Variants in SUV39H1 observed in about 807,000 individuals in gnomAD.
The protein encoded by SUV39H1 is histone-lysine N-methyltransferase SUV39H1.
For missense variants in SUV39H1, 180 were observed against 386.3 expected (o/e 0.47, Z 4.48); for synonymous variants, 141 against 150.5 (o/e 0.94, Z 0.46).
chrX:48,706,750 C>G, intron 5 of SUV39H1, 123 bp downstream of exon 5: 2 of 823,189 alleles, frequency 2.4e-6, no homozygotes, highest in Non-Finnish European at 3.4e-6. Context: ...CTTTAAGATG[C>G]TCTTCCTGAC....
At chrX:48,697,662 G>A (rs2062461249) in intron 1 of SUV39H1, among the ~76,000 whole-genome samples, 1 of 111,695 alleles carries the variant, frequency 9.0e-6, no homozygotes, top group South Asian at 3.7e-4. Context: ...AAAAGCTCTT[G>A]TACGTTTTTA....
intron 3 of SUV39H1, among the ~76,000 whole-genome samples, chrX:48,701,960 T>C (rs1041154621): frequency 8.9e-6 from 1 of 111,834 alleles, no homozygotes; most frequent in Admixed American, 9.4e-5. Context: ...GTGTCCACAC[T>C]GTAGCACTGA....
rs1354466522 is a variant in SUV39H1, at chrX:48,708,272, C to G, written c.*702C>G. The G allele has an allele frequency of 8.4e-6, 1 of 119,178 alleles. No homozygotes were observed. The allele number at this position is 119,178 out of a possible 1,213,427, so 9.8% of individuals were successfully genotyped here. A position where few individuals can be genotyped will look rare whatever the true frequency, so the allele number is the denominator to read the frequency against. ...GAGAGGAAGGCAGTGCAGAGCTGGC[C>G]AGCCCTGGAGGTAGGCTGGGACCAA... On this transcript the variant is annotated 3_prime_UTR_variant, in exon 6 of 6. Transcript: ENST00000376687.
Position 48,707,573 on chromosome X carries a change from C to T in SUV39H1, c.*3C>T. ...CCTGCCGCAAATACCTCTTCTAGCC[C>T]TTAGAAGTCTGAGGCCAGACTGACT... is the stretch of plus-strand genomic sequence containing the variant. On this transcript the variant is annotated 3_prime_UTR_variant, in exon 6 of 6. Transcript: ENST00000376687. 8.3e-7 allele frequency: 1 copy of T among 1,211,279 alleles called. No homozygotes were observed. Among genetic ancestry groups the T allele is most frequent in the Non-Finnish European group, 1.1e-6 (1 of 895,104 alleles).
Position 48,697,986 on chromosome X carries a change from C to T in SUV39H1, c.20-916C>T, listed in dbSNP as rs186699792. On this transcript the variant is annotated intron_variant, in intron 1 of 5. Transcript: ENST00000376687. ...AGCATAACCCTTTGGATGAGCTTTA[C>T]TCTTCACAGAAAGATGGATGAGACA... Among the ~76,000 whole-genome samples, 44 of 112,325 alleles carry T rather than the reference C, an allele frequency of 3.9e-4. No individual in the cohort carries two copies. The South Asian group carries it at 4.4e-3, about 11-fold the overall frequency.
At chrX:48,696,620 G>C (rs1250218212), upstream of SUV39H1, 18 of 658,262 alleles carry the variant, frequency 2.7e-5, no homozygotes, top group Middle Eastern at 1.5e-3. Context: ...CTCCGGGACC[G>C]AGCCGGGCGG....
intron 3 of SUV39H1, among the ~76,000 whole-genome samples, chrX:48,705,852 A>G (rs1236413232): frequency 8.9e-6 from 1 of 111,969 alleles, no homozygotes; most frequent in African/African-American, 3.2e-5. Context: ...CTGGATCAGT[A>G]AGTATCTCTC....
chrX:48,707,687 C>T lies in SUV39H1; in HGVS notation c.*117C>T. 1 of 940,534 alleles carries T rather than the reference C, an allele frequency of 1.1e-6. No individual in the cohort carries two copies. Among genetic ancestry groups the T allele is most frequent in the Non-Finnish European group, 1.5e-6 (1 of 665,226 alleles). The allele number at this position is 940,534 out of a possible 1,213,427, so 77.5% of individuals were successfully genotyped here. A position where few individuals can be genotyped will look rare whatever the true frequency, so the allele number is the denominator to read the frequency against. ...GGCCTCGCCTGCCTCCACCTGCCCC[C>T]ACCTGCTCCTACCTGCTCTACGTTC... On this transcript the variant is annotated 3_prime_UTR_variant, in exon 6 of 6. Transcript: ENST00000376687.
intron 3 of SUV39H1, among the ~76,000 whole-genome samples, chrX:48,704,334 T>C (rs781855318): frequency 2.7e-5 from 3 of 111,295 alleles, no homozygotes; most frequent in Non-Finnish European, 5.7e-5. Flanking sequence ...AGATGGAGAC[T>C]AGGAAGGATG....
chrX:48,698,239 T>C (rs1225175565), intron 1 of SUV39H1, among the ~76,000 whole-genome samples: 1 of 112,348 alleles, frequency 8.9e-6, no homozygotes, highest in Non-Finnish European at 1.9e-5. Context: ...TATATCTCTA[T>C]TTCTCCTATT....
At chrX:48,695,880 G>A, upstream of SUV39H1, 2 of 1,156,154 alleles carry the variant, frequency 1.7e-6, no homozygotes, top group Non-Finnish European at 2.3e-6. Context: ...AGGTGGTGTG[G>A]AGGCTTAATC....
intron 2 of SUV39H1, among the ~76,000 whole-genome samples, chrX:48,699,532 T>C (rs1557009108): frequency 8.9e-6 from 1 of 111,746 alleles, no homozygotes. Context: ...AAACCTTCAG[T>C]ACTTCATTTT....
In SUV39H1 at chrX:48,708,235, C is replaced by G. The variant is rs2062498107; in HGVS notation, c.*665C>G. 1 of 129,939 alleles carries G rather than the reference C, an allele frequency of 7.7e-6. No individual in the cohort carries two copies. The highest frequency in any genetic ancestry group is 3.2e-5 in the African/African-American group (1 of 31,097). 10.7% of individuals were successfully genotyped at this position (129,939 alleles called of 1,213,427 possible). A position where few individuals can be genotyped will look rare whatever the true frequency, so the allele number is the denominator to read the frequency against. ...TGGAAGGGAAGTGGGTGTCCATGGG[C>G]CACTGAGCAGTGAGAGGAAGGCAGT... is the stretch of plus-strand genomic sequence containing the variant. On this transcript the variant is annotated 3_prime_UTR_variant, in exon 6 of 6. Transcript: ENST00000376687.
Position 48,708,188 on chromosome X carries a change from G to C in SUV39H1, c.*618G>C, listed in dbSNP as rs2062497983. On this transcript the variant is annotated 3_prime_UTR_variant, in exon 6 of 6. Coordinates refer to ENST00000376687, the MANE Select transcript of SUV39H1 (RefSeq NM_003173.4). ...CTCTTCTTCAGGGCTGCATATCTGA[G>C]AAGTGGATGCCCACATGCCACTGGA... is the stretch of plus-strand genomic sequence containing the variant. The C allele has an allele frequency of 7.1e-6, 1 of 139,941 alleles. No homozygotes were observed. Among genetic ancestry groups the C allele is most frequent in the Admixed American group, 7.9e-5 (1 of 12,705 alleles). The allele number at this position is 139,941 out of a possible 1,213,427, so 11.5% of individuals were successfully genotyped here. A position where few individuals can be genotyped will look rare whatever the true frequency, so the allele number is the denominator to read the frequency against.
chrX:48,695,635 G>A (rs1569494575), upstream of SUV39H1: 4 of 1,100,364 alleles, frequency 3.6e-6, no homozygotes, highest in South Asian at 2.2e-5. Context: ...CCTGACAGAC[G>A]GTGCGGTCAG....
At chrX:48,703,070 C>G (rs945497907) in intron 3 of SUV39H1, among the ~76,000 whole-genome samples, 3 of 112,013 alleles carry the variant, frequency 2.7e-5, no homozygotes, top group Non-Finnish European at 3.8e-5. Flanking sequence ...AGGCTTGTTA[C>G]AAAAATTAAA....
chrX:48,696,630 G>A (rs1313485765), upstream of SUV39H1: 5 of 708,774 alleles, frequency 7.1e-6, no homozygotes, highest in Non-Finnish European at 9.5e-6. Flanking sequence ...GAGCCGGGCG[G>A]CAGGGAGGGG....
chrX:48,707,769 C>T lies in SUV39H1; in HGVS notation c.*199C>T. 2 of 525,674 alleles carry T rather than the reference C, an allele frequency of 3.8e-6. No homozygotes were observed. The highest frequency in any genetic ancestry group is 3.3e-6 in the Non-Finnish European group (1 of 300,389). 43.3% of individuals were successfully genotyped at this position (525,674 alleles called of 1,213,427 possible). On this transcript the variant is annotated 3_prime_UTR_variant, in exon 6 of 6. Transcript: ENST00000376687. ...GGAGTCCCCTTTCCCTGTCCCAGCC[C>T]CATCTGTGGGTTGCACTTACAAACC...
chrX:48,708,047 C>T lies in SUV39H1; in HGVS notation c.*477C>T, dbSNP rs2062497491. On this transcript the variant is annotated 3_prime_UTR_variant, in exon 6 of 6. Coordinates refer to ENST00000376687, the MANE Select transcript of SUV39H1 (RefSeq NM_003173.4). ...CCTAGCCCGACATGAAGCTGGTTCC[C>T]CAACCACAGAAACTTTGTACTAGTG... is the stretch of plus-strand genomic sequence containing the variant. 1 of 229,112 alleles carries T rather than the reference C, an allele frequency of 4.4e-6. No homozygotes were observed. The highest frequency in any genetic ancestry group is 6.3e-5 in the Admixed American group (1 of 15,874). 18.9% of individuals were successfully genotyped at this position (229,112 alleles called of 1,213,427 possible).
Sources: allele counts gnomAD v4.1 joint callset (sites outside exome capture counted in the v4.1 genomes callset), GRCh38; gene constraint gnomAD v4.1.1; transcripts MANE v1.5; gene names NCBI Gene and HGNC (gene_info 2026-07-23, HGNC 2026-07-21).